Variants in ATR observed in about 807,000 individuals in gnomAD.
ATR encodes serine/threonine-protein kinase ATR.
ATR carries 142 observed loss-of-function variants against 305.3 expected under a neutral mutation model. The ratio of observed to expected loss-of-function variants is 0.47; its 90% confidence interval spans 0.41 to 0.53. The LOEUF (loss-of-function observed/expected upper bound fraction) is 0.53, where lower values mean the gene tolerates loss of function less well. ATR is among the 20% of genes least tolerant of loss of function. ATR has a pLI of 0.00. For missense variants in ATR, 2,135 were observed against 3,133.1 expected, an observed-to-expected ratio of 0.68 and a Z score of 7.60; for synonymous variants, 1,050 against 1,068.1, an observed-to-expected ratio of 0.98 and a Z score of 0.33.
chr3:142,453,320 G>T, intron 45 of ATR, 87 bp from the exon 46 acceptor site: 1 of 1,447,474 alleles, frequency 6.9e-7, no homozygotes, highest in Non-Finnish European at 9.6e-7. Context: ...AGGATGAGAA[G>T]CTAATGGTAA....
chr3:142,492,258 T>A (rs1369921390), intron 35 of ATR, among the ~76,000 whole-genome samples: 1 of 152,212 alleles, frequency 6.6e-6, no homozygotes, highest in Non-Finnish European at 1.5e-5. Context: ...GGCCTCTTAA[T>A]CTGGCTGGTG....
intron 36 of ATR, among the ~76,000 whole-genome samples, chr3:142,471,561 C>T (rs2071266213): frequency 6.6e-6 from 1 of 152,094 alleles, no homozygotes; most frequent in African/African-American, 2.4e-5. Context: ...GGAGAGCTAG[C>T]AGGTTTTTTT....
At chr3:142,558,379 T>C (rs558680383) in intron 8 of ATR, among the ~76,000 whole-genome samples, 75 of 151,856 alleles carry the variant, frequency 4.9e-4, no homozygotes, top group Non-Finnish European at 9.0e-4. Context: ...AAGAATTAGC[T>C]GGGTATGGTG....
chr3:142,561,194 C>T lies in ATR; in HGVS notation c.1349+49G>A, dbSNP rs550499070. The T allele has an allele frequency of 5.4e-4, 850 of 1,583,430 alleles. 14 individuals carry two copies. In the South Asian group the frequency reaches 9.0e-3, roughly 17 times the overall value. On this transcript the variant is annotated intron_variant, in intron 5 of 46. Transcript: ENST00000350721. ...ACTAAAGCTGATTTTTAAAAGTGAA[C>T]AAAGTTTTATTTAATGGCTAAATAC...
At chr3:142,487,824 C>A (rs2031035934) in intron 35 of ATR, among the ~76,000 whole-genome samples, 1 of 152,166 alleles carries the variant, frequency 6.6e-6, no homozygotes, top group South Asian at 2.1e-4. Context: ...CCTAGATTAA[C>A]AATCTACCTC....
At chr3:142,543,340 GTTCC>G (rs909550173) in intron 16 of ATR, among the ~76,000 whole-genome samples, 6 of 150,262 alleles carry the variant, frequency 4.0e-5, no homozygotes, top group South Asian at 2.1e-4. Context: ...TCCTTCCTTA[GTTCC>G]TTCCTTCCTT....
chr3:142,554,444 T>C (rs112857074), intron 10 of ATR, among the ~76,000 whole-genome samples: 70 of 152,240 alleles, frequency 4.6e-4, no homozygotes, highest in African/African-American at 1.6e-3. Flanking sequence ...CCCAGACTGG[T>C]CTCGAACACC....
rs574625659 is a variant in ATR at position 142,523,297 on chromosome 3, G to A, written c.4153-456C>T. Among the ~76,000 whole-genome samples, 7 of 152,188 alleles carry A rather than the reference G, an allele frequency of 4.6e-5. No homozygotes were observed. The South Asian group carries it at 1.5e-3, about 32-fold the overall frequency. ...TAGCCAGGCGTGGTGGTGCACGCCT[G>A]TAATCCCAGCTACTCGGGAGGCTGA... On this transcript the variant is annotated intron_variant, in intron 22 of 46. Coordinates refer to ENST00000350721, the MANE Select transcript of ATR (RefSeq NM_001184.4).
intron 1 of ATR, among the ~76,000 whole-genome samples, chr3:142,576,976 T>G (rs1162219228): frequency 2.0e-5 from 3 of 152,232 alleles, no homozygotes; most frequent in African/African-American, 7.2e-5. Flanking sequence ...CTTGAAAGCT[T>G]GAATCTGAAA....
At chr3:142,523,686 C>T (rs1232312237) in intron 22 of ATR, among the ~76,000 whole-genome samples, 1 of 151,976 alleles carries the variant, frequency 6.6e-6, no homozygotes, top group Admixed American at 6.6e-5. Flanking sequence ...ACTAGTTATC[C>T]ATGGAAACAC....
At chr3:142,550,778 C>T (rs938127620) in intron 13 of ATR, among the ~76,000 whole-genome samples, 3 of 151,768 alleles carry the variant, frequency 2.0e-5, no homozygotes, top group Admixed American at 6.6e-5. Flanking sequence ...CAAAATACAT[C>T]GTTTTTGACA....
Position 142,470,813 on chromosome 3 carries a change from A to G in ATR, c.6222-630T>C, listed in dbSNP as rs2071244150. On this transcript the variant is annotated intron_variant, in intron 36 of 46. Coordinates refer to ENST00000350721, the MANE Select transcript of ATR (RefSeq NM_001184.4). ...GGTCTAGTTTCTGCACCATCCTACA[A>G]ACCAACCACTCAACGCTGTTTCTGG... Among the ~76,000 whole-genome samples the G allele has an allele frequency of 2.0e-5, 3 of 152,080 alleles. No homozygotes were observed. In the South Asian group the frequency reaches 6.2e-4, roughly 31 times the overall value.
rs1003913240 is a variant in ATR at position 142,563,000 on chromosome 3, A to T, written c.402T>A (p.Phe134Leu). ...CAAAAATAGCAGGACTCTTGCTTTT[A>T]AAAAGAAATAATAATGAACAGATGA... ...CEVICSLLFL[F>L]KSKSPAIFGV... The change falls in exon 4 of 47, where the codon TTT (phenylalanine) becomes TTA (leucine). Residue 134 changes from phenylalanine (F) to leucine (L), a missense_variant. This residue lies in a region of ATR where 744 missense variants were observed against 873.2 expected (regional missense o/e 0.85). Coordinates refer to ENST00000350721, the MANE Select transcript of ATR (RefSeq NM_001184.4). 3 of 1,598,794 alleles carry T rather than the reference A, an allele frequency of 1.9e-6. No homozygotes were observed. Among genetic ancestry groups the T allele is most frequent in the Non-Finnish European group, 2.6e-6 (3 of 1,175,856 alleles).
At chr3:142,451,350 T>C in intron 46 of ATR, 2 of 1,329,018 alleles carry the variant, frequency 1.5e-6, no homozygotes, top group South Asian at 2.6e-5. Context: ...TTTTCAAGAT[T>C]TAGTGGAAGG....
Position 142,524,094 on chromosome 3 carries a change from G to A in ATR, c.4051C>T (p.Arg1351Trp), listed in dbSNP as rs1468865157. ...KGCQDANSQA[R>W]LLCGECLGEL... Reference sequence around the variant, plus strand: ...CCTAAACATTCCCCACAGAGCAACCGAGCTTGAGAGTTTGCATCTTGGCAA... The same window carrying A: ...CCTAAACATTCCCCACAGAGCAACCAAGCTTGAGAGTTTGCATCTTGGCAA... The change falls in exon 22 of 47, where the codon CGG becomes TGG. Residue 1351 changes from arginine (R) to tryptophan (W), a missense_variant. This residue lies in a region of ATR where 530 missense variants were observed against 766.8 expected (regional missense o/e 0.69). Coordinates refer to ENST00000350721, the MANE Select transcript of ATR (RefSeq NM_001184.4). The A allele has an allele frequency of 3.1e-6, 5 of 1,613,772 alleles. No homozygotes were observed. Among genetic ancestry groups the A allele is most frequent in the Non-Finnish European group, 4.2e-6 (5 of 1,179,906 alleles).
At chr3:142,463,663 G>A (rs188646578) in intron 41 of ATR, among the ~76,000 whole-genome samples, 2 of 152,226 alleles carry the variant, frequency 1.3e-5, no homozygotes, top group African/African-American at 4.8e-5. Context: ...GGGATTACAG[G>A]CATGAGCCAC....
intron 8 of ATR, among the ~76,000 whole-genome samples, chr3:142,557,027 A>G (rs1188119362): frequency 6.6e-6 from 1 of 152,176 alleles, no homozygotes; most frequent in Non-Finnish European, 1.5e-5. Context: ...TAACCCAACA[A>G]TACTACTCCT....
chr3:142,532,580 C>T (rs1436752023), intron 21 of ATR, among the ~76,000 whole-genome samples: 1 of 151,948 alleles, frequency 6.6e-6, no homozygotes, highest in Non-Finnish European at 1.5e-5. Flanking sequence ...TGGGACTACC[C>T]ATCAGTACAG....
rs2031526183 is a variant in ATR, at chr3:142,495,434, T to G, written c.5898+927A>C. 5.3e-5 allele frequency among the ~76,000 whole-genome samples: 8 copies of G among 152,116 alleles called. No homozygotes were observed. In the South Asian group the frequency reaches 1.4e-3, roughly 28 times the overall value. ...CTGGTGACTAGCCTGAGGAGAAATT[T>G]AAGTAATAGCCATTAAATCTGGGTT... On this transcript the variant is annotated intron_variant, in intron 34 of 46. Coordinates refer to ENST00000350721, the MANE Select transcript of ATR (RefSeq NM_001184.4).
Sources: allele counts gnomAD v4.1 joint callset (sites outside exome capture counted in the v4.1 genomes callset), GRCh38; gene constraint gnomAD v4.1.1; regional missense constraint gnomAD v4.1.1; transcripts MANE v1.5; gene names NCBI Gene and HGNC (gene_info 2026-07-23, HGNC 2026-07-21).